Variants in MGAT4C observed in about 807,000 individuals in gnomAD.
MGAT4C encodes the protein alpha-1,3-mannosyl-glycoprotein 4-beta-N-acetylglucosaminyltransferase C.
MGAT4C carries 19 observed loss-of-function variants against 40.1 expected under a neutral mutation model. The ratio of observed to expected loss-of-function variants is 0.47; its 90% CI spans 0.33 to 0.70. The LOEUF (loss-of-function observed/expected upper bound fraction) is 0.70, where lower values mean the gene tolerates loss of function less well. Ranked by LOEUF, MGAT4C falls within the 30% of genes least tolerant of loss-of-function variation. The pLI is 0.02. For synonymous variants in MGAT4C, 181 were observed against 187.1 expected, an observed-to-expected ratio of 0.97 and a Z score of 0.27; for missense variants, 491 against 563.2, an observed-to-expected ratio of 0.87 and a Z score of 1.30.
At chr12:86,214,943 T>C (rs839104) in intron 1 of MGAT4C, among the ~76,000 whole-genome samples, 1 of 151,936 alleles carries the variant, frequency 6.6e-6, no homozygotes, top group Admixed American at 6.6e-5. Flanking sequence ...TTGCATCATA[T>C]CAGTTTCTTG....
chr12:86,372,947 T>A (rs1955747546), intron 3 of MGAT4C, among the ~76,000 whole-genome samples: 1 of 151,116 alleles, frequency 6.6e-6, no homozygotes, highest in Non-Finnish European at 1.5e-5. Flanking sequence ...TGGAAGTAAT[T>A]GAATTGAATA....
At chr12:86,042,884 AAAAAG>A in intron 2 of MGAT4C, among the ~76,000 whole-genome samples, 1 of 151,376 alleles carries the variant, frequency 6.6e-6, no homozygotes, top group African/African-American at 2.4e-5. Flanking sequence ...AAAAAAAAAA[AAAAAG>A]AATGCTGAAT....
chr12:86,274,677 T>TA (rs753076363), intron 4 of MGAT4C, among the ~76,000 whole-genome samples: 1 of 152,126 alleles, frequency 6.6e-6, no homozygotes, highest in Non-Finnish European at 1.5e-5. Context: ...AAAGCAAAAG[T>TA]AGTATTTAAT....
chr12:86,831,312 G>A (rs1031357746), intron 1 of MGAT4C, among the ~76,000 whole-genome samples: 1 of 151,756 alleles, frequency 6.6e-6, no homozygotes, highest in African/African-American at 2.4e-5. Context: ...ACTATGTAGA[G>A]GGAGGGTGTC....
chr12:86,222,297 C>A (rs1428640168), intron 1 of MGAT4C, among the ~76,000 whole-genome samples: 1 of 152,060 alleles, frequency 6.6e-6, no homozygotes. Flanking sequence ...GATAGGAAAC[C>A]AAATTTACAG....
chr12:86,093,758 CAACAACAACAACAA>C (rs1565972262), intron 1 of MGAT4C, among the ~76,000 whole-genome samples: 5 of 151,520 alleles, frequency 3.3e-5, no homozygotes, highest in East Asian at 2.0e-4. Flanking sequence ...ACAACAACAA[CAACAACAACAACAA>C]CACCTACAAG....
chr12:86,394,187 C>G (rs1378883174), intron 3 of MGAT4C, among the ~76,000 whole-genome samples: 1 of 152,078 alleles, frequency 6.6e-6, no homozygotes, highest in Admixed American at 6.6e-5. Context: ...GGAATGTATG[C>G]CTTCTTAATT....
At chr12:85,984,220 T>C (rs1884960811) in intron 3 of MGAT4C, among the ~76,000 whole-genome samples, 1 of 152,218 alleles carries the variant, frequency 6.6e-6, no homozygotes, top group African/African-American at 2.4e-5. Flanking sequence ...AAGTCACTTA[T>C]GTGGCTACTA....
chr12:85,984,596 A>T (rs1885007640), intron 3 of MGAT4C, among the ~76,000 whole-genome samples: 2 of 152,162 alleles, frequency 1.3e-5, no homozygotes, highest in East Asian at 1.9e-4. Flanking sequence ...TTATCTAATC[A>T]TCATTTGATC....
At chr12:86,415,506 A>T (rs1956690962) in intron 3 of MGAT4C, among the ~76,000 whole-genome samples, 1 of 152,160 alleles carries the variant, frequency 6.6e-6, no homozygotes, top group East Asian at 1.9e-4. Flanking sequence ...TTAGTGTAGT[A>T]GATGCAGTCT....
At chr12:86,544,691 A>C (rs1254748143) in intron 2 of MGAT4C, among the ~76,000 whole-genome samples, 2 of 152,114 alleles carry the variant, frequency 1.3e-5, no homozygotes, top group African/African-American at 4.8e-5. Context: ...TGGCCAATCA[A>C]ATCATTGTAC....
intron 2 of MGAT4C, among the ~76,000 whole-genome samples, chr12:86,547,876 G>T (rs572817089): frequency 2.0e-5 from 3 of 152,224 alleles, no homozygotes; most frequent in Non-Finnish European, 4.4e-5. Flanking sequence ...ACTTTACAGG[G>T]TAGGCATGTT....
intron 1 of MGAT4C, among the ~76,000 whole-genome samples, chr12:86,737,945 A>C (rs1951011887): frequency 6.6e-6 from 1 of 151,518 alleles, no homozygotes. Flanking sequence ...TTTTTAGTCT[A>C]TTTTAAAAAG....
At chr12:86,392,030 C>T (rs1956169563) in intron 3 of MGAT4C, among the ~76,000 whole-genome samples, 1 of 151,902 alleles carries the variant, frequency 6.6e-6, no homozygotes, top group African/African-American at 2.4e-5. Flanking sequence ...AATACCCTGC[C>T]TTATAGGATT....
At chr12:86,135,409 T>C (rs532740612) in intron 1 of MGAT4C, among the ~76,000 whole-genome samples, 1 of 152,264 alleles carries the variant, frequency 6.6e-6, no homozygotes, top group South Asian at 2.1e-4. Flanking sequence ...AAATTTCAAA[T>C]TCCAAAGACA....
At chr12:86,724,911 A>G (rs1380104385) in intron 2 of MGAT4C, among the ~76,000 whole-genome samples, 2 of 152,144 alleles carry the variant, frequency 1.3e-5, no homozygotes, top group African/African-American at 4.8e-5. Flanking sequence ...TACCACAAAA[A>G]TGATAACTAT....
chr12:86,700,943 T>C (rs1158003668), intron 2 of MGAT4C, among the ~76,000 whole-genome samples: 2 of 152,040 alleles, frequency 1.3e-5, no homozygotes, highest in African/African-American at 4.8e-5. Flanking sequence ...GAAAGTGAAT[T>C]TTATCAAAAT....
At chr12:86,077,852 T>C (rs1208847663) in intron 1 of MGAT4C, among the ~76,000 whole-genome samples, 2 of 152,204 alleles carry the variant, frequency 1.3e-5, no homozygotes, top group South Asian at 2.1e-4. Flanking sequence ...TTCTTCCTGA[T>C]AGCAGAGGTC....
At chr12:86,031,613 G>A (rs1032536423) in intron 2 of MGAT4C, among the ~76,000 whole-genome samples, 1 of 151,762 alleles carries the variant, frequency 6.6e-6, no homozygotes, top group Non-Finnish European at 1.5e-5. Context: ...CACAAAAATA[G>A]CAACCAGAAG....
Sources: gnomAD v4.1 joint callset for allele counts (sites outside exome capture counted in the v4.1 genomes callset) on GRCh38, gnomAD v4.1.1 for gene constraint, MANE v1.5 for transcripts, NCBI Gene and HGNC (gene_info 2026-07-23, HGNC 2026-07-21) for gene names.